EIF4G3: variants seen among roughly 807,000 people sequenced by gnomAD.
The protein encoded by EIF4G3 is eIF-4-gamma 3.
EIF4G3 carries 34 observed loss-of-function variants against 186.4 expected under a neutral mutation model. The observed-to-expected ratio is 0.18, with a 90% CI of 0.14 to 0.24. EIF4G3 has a LOEUF of 0.24. EIF4G3 is among the 10% of genes least tolerant of loss of function. The probability of loss-of-function intolerance (pLI) is 1.00; values close to 1 mark genes in which losing one functional copy is unlikely to be tolerated. For missense variants in EIF4G3, 1,536 were observed against 1,948.5 expected (o/e 0.79, Z 3.99); for synonymous variants, 673 against 679.5 (o/e 0.99, Z 0.15).
At chr1:20,868,100 T>TTTTTTTTTTC (rs1344685231) in intron 20 of EIF4G3, among the ~76,000 whole-genome samples, 1 of 142,988 alleles carries the variant, frequency 7.0e-6, no homozygotes, top group African/African-American at 2.6e-5. Flanking sequence ...CTTTTTTTTT[T>TTTTTTTTTTC]TTTTTTGTCC....
intron 14 of EIF4G3, among the ~76,000 whole-genome samples, chr1:20,916,262 C>T (rs977534405): frequency 1.3e-5 from 2 of 151,820 alleles, no homozygotes; most frequent in Admixed American, 1.3e-4. Context: ...CCGGCTAACA[C>T]GGTGAAACCC....
chr1:20,972,373 C>G (rs917818555), intron 11 of EIF4G3, among the ~76,000 whole-genome samples: 4 of 152,088 alleles, frequency 2.6e-5, no homozygotes, highest in African/African-American at 7.2e-5. Context: ...GTGGCTCACA[C>G]CTATAATCCC....
intron 12 of EIF4G3, among the ~76,000 whole-genome samples, chr1:20,950,688 G>C (rs905337338): frequency 1.3e-5 from 2 of 152,052 alleles, no homozygotes; most frequent in African/African-American, 4.8e-5. Flanking sequence ...ACAGGTTCTG[G>C]GTCAAATATG....
In EIF4G3 at chr1:20,840,980, C is replaced by T; in HGVS notation, c.3937G>A (p.Val1313Ile). 6.2e-7 allele frequency: 1 copy of T among 1,614,140 alleles called. No individual in the cohort carries two copies. Reference protein sequence around the residue: ...EELNAQGLLHVFVRVGVESTL... With the variant: ...EELNAQGLLHIFVRVGVESTL... ...GACTCCACTCCCACTCTCACAAAAA[C>T]ATGTAGTAGGCCCTGGGCATTCAGC... The change falls in exon 30 of 37, where the codon GTT becomes ATT. Residue 1313 changes from valine (V) to isoleucine (I), a missense_variant. Physicochemically the swap from Val to Ile is conservative, Grantham distance 29. This residue lies in a region of EIF4G3 where 395 missense variants were observed against 498.9 expected (regional missense o/e 0.79). Transcript: ENST00000602326.
rs1173430010 is a variant in EIF4G3, at chr1:21,176,237, C to T, written c.-334G>A. Reference sequence around the variant, plus strand: ...GGTGAGGAGGGGGGACCGCTGCCGCCGCCGCCGCCGCCGCCGCCGCCGCCG... The same window carrying T: ...GGTGAGGAGGGGGGACCGCTGCCGCTGCCGCCGCCGCCGCCGCCGCCGCCG... On this transcript the variant is annotated 5_prime_UTR_variant, in exon 2 of 37. Transcript: ENST00000602326. 2.8e-5 allele frequency: 9 copies of T among 317,588 alleles called. No homozygotes were observed. The highest frequency in any genetic ancestry group is 1.0e-4 in the South Asian group (1 of 9,706). 19.7% of individuals were successfully genotyped at this position (317,588 alleles called of 1,614,324 possible).
intron 4 of EIF4G3, among the ~76,000 whole-genome samples, chr1:21,006,328 A>G (rs1442898459): frequency 6.6e-6 from 1 of 152,228 alleles, no homozygotes; most frequent in Non-Finnish European, 1.5e-5. Flanking sequence ...TGCACAGAAA[A>G]CTAGGGACAG....
chr1:21,035,496 C>A (rs113103929), intron 4 of EIF4G3, among the ~76,000 whole-genome samples: 162 of 152,352 alleles, frequency 1.1e-3, no homozygotes, highest in African/African-American at 3.8e-3. Flanking sequence ...GGCCTCTCCC[C>A]ACTCCCAGCA....
At chr1:20,919,014 G>A (rs1185851258) in intron 14 of EIF4G3, among the ~76,000 whole-genome samples, 1 of 151,812 alleles carries the variant, frequency 6.6e-6, no homozygotes, top group East Asian at 1.9e-4. Flanking sequence ...TCACTAATGA[G>A]GTTAAGCATT....
chr1:21,043,588 T>G (rs2093695770), intron 4 of EIF4G3, among the ~76,000 whole-genome samples: 1 of 152,074 alleles, frequency 6.6e-6, no homozygotes, highest in African/African-American at 2.4e-5. Context: ...GTTACAGGAC[T>G]GCATAAAAGA....
chr1:20,911,892 TATATAA>T (rs960610960), intron 14 of EIF4G3, among the ~76,000 whole-genome samples: 24 of 152,058 alleles, frequency 1.6e-4, no homozygotes, highest in African/African-American at 3.9e-4. Flanking sequence ...CTCTACCCCT[TATATAA>T]ATATAAATAT....
At chr1:20,833,397 A>G (rs1195716288) in intron 30 of EIF4G3, among the ~76,000 whole-genome samples, 1 of 152,110 alleles carries the variant, frequency 6.6e-6, no homozygotes, top group African/African-American at 2.4e-5. Flanking sequence ...TTCACTCATG[A>G]TTTGGCTCTC....
At position 20,843,501 on chromosome 1, in the gene EIF4G3, G is replaced by A. The variant is rs146346645; in HGVS notation, c.3889-2473C>T. ...CACTGCACTCCAGCCTGGGCGACAC[G>A]GTGAGACTCTGTCTCCAAAAAATAA... On this transcript the variant is annotated intron_variant, in intron 29 of 36. Transcript: ENST00000602326. 4.1e-3 allele frequency among the ~76,000 whole-genome samples: 625 copies of A among 151,836 alleles called. 10 individuals carry two copies. Among genetic ancestry groups the A allele is most frequent in the East Asian group, 0.024 (125 of 5,142 alleles).
chr1:20,950,115 G>A lies in EIF4G3; in HGVS notation c.715-4C>T. ...CGGGGACCTGGCTGGGCAGCTGCTG[G>A]GATTTGAAGTACAAAAAAGGGTGAT... On this transcript the variant is annotated splice_region_variant and splice_polypyrimidine_tract_variant and intron_variant, in intron 12 of 36. Transcript: ENST00000602326. The A allele has an allele frequency of 6.4e-7, 1 of 1,573,830 alleles. No homozygotes were observed. The highest frequency in any genetic ancestry group is 2.3e-5 in the East Asian group (1 of 43,982).
At chr1:20,811,162 C>G (rs763573664) in intron 35 of EIF4G3, among the ~76,000 whole-genome samples, 1 of 152,170 alleles carries the variant, frequency 6.6e-6, no homozygotes, top group African/African-American at 2.4e-5. Context: ...CCATGTTGGT[C>G]AGACTTGTCT....
chr1:20,903,622 T>G (rs765407077), intron 15 of EIF4G3, among the ~76,000 whole-genome samples: 2 of 152,160 alleles, frequency 1.3e-5, no homozygotes, highest in Non-Finnish European at 2.9e-5. Flanking sequence ...TTTTACACCC[T>G]AATAACCACA....
intron 2 of EIF4G3, among the ~76,000 whole-genome samples, chr1:21,169,309 C>T (rs2097914539): frequency 2.0e-5 from 3 of 151,918 alleles, no homozygotes; most frequent in African/African-American, 4.8e-5. Flanking sequence ...AAATTAGCTG[C>T]GTATAATGGC....
At position 21,120,728 on chromosome 1, in the gene EIF4G3, T is replaced by C. The variant is rs16825023; in HGVS notation, c.-271-31515A>G. 5.1e-3 allele frequency among the ~76,000 whole-genome samples: 775 copies of C among 152,074 alleles called. 7 individuals carry two copies. Among genetic ancestry groups the C allele is most frequent in the African/African-American group, 0.018 (742 of 41,460 alleles). ...CCAGTTATAAATATGCATATCCCAA[T>C]TGATTGATGGGGTTAAGAAAAAAGA... On this transcript the variant is annotated intron_variant, in intron 2 of 36. Coordinates refer to ENST00000602326, the MANE Select transcript of EIF4G3 (RefSeq NM_001391906.1).
chr1:21,110,724 G>A (rs377274782), intron 2 of EIF4G3, among the ~76,000 whole-genome samples: 4 of 128,752 alleles, frequency 3.1e-5, no homozygotes, highest in African/African-American at 1.0e-4. Context: ...GAGGCACCAC[G>A]CCCAGCCTTT....
chr1:20,997,148 C>G (rs2082465574), intron 7 of EIF4G3, among the ~76,000 whole-genome samples: 1 of 151,950 alleles, frequency 6.6e-6, no homozygotes, highest in African/African-American at 2.4e-5. Context: ...ATTACTAGAT[C>G]TAAGTTAGTA....
Sources: gnomAD v4.1 joint callset for allele counts (sites outside exome capture counted in the v4.1 genomes callset) on GRCh38, gnomAD v4.1.1 for gene constraint, gnomAD v4.1.1 regional missense constraint, MANE v1.5 for transcripts, NCBI Gene and HGNC (gene_info 2026-07-23, HGNC 2026-07-21) for gene names.